KCNT2: variants seen among roughly 807,000 people sequenced by gnomAD.
The protein encoded by KCNT2 is potassium channel subfamily T member 2.
In KCNT2, 67 loss-of-function variants were observed where a neutral mutation model predicts 153.8. That is an observed-to-expected ratio of 0.44 (90% CI 0.36 to 0.53). The LOEUF (loss-of-function observed/expected upper bound fraction) is 0.53, where lower values mean the gene tolerates loss of function less well. Ranked by LOEUF, KCNT2 falls within the 20% of genes least tolerant of loss-of-function variation. The pLI is 0.00. For synonymous variants in KCNT2, 500 were observed against 458.8 expected, an observed-to-expected ratio of 1.09 and a Z score of -1.15; for missense variants, 975 against 1,354.8, an observed-to-expected ratio of 0.72 and a Z score of 4.40.
chr1:196,508,100 T>C (rs1417728893), intron 1 of KCNT2, among the ~76,000 whole-genome samples: 1 of 146,490 alleles, frequency 6.8e-6, no homozygotes, highest in Non-Finnish European at 1.5e-5. Flanking sequence ...TAATAAGTAT[T>C]AATACATAAC....
intron 1 of KCNT2, 75 bp from the exon 2 acceptor site, chr1:196,492,416 T>A: frequency 1.0e-5 from 11 of 1,068,966 alleles, no homozygotes; most frequent in Non-Finnish European, 1.3e-5. Flanking sequence ...TCAACAAATA[T>A]AAATTGATCT....
At chr1:196,366,142 T>C (rs1668018474) in intron 14 of KCNT2, among the ~76,000 whole-genome samples, 1 of 151,902 alleles carries the variant, frequency 6.6e-6, no homozygotes. Context: ...GTCTTCTTTA[T>C]TTACTTATTT....
chr1:196,505,978 T>G (rs1681104331), intron 1 of KCNT2, among the ~76,000 whole-genome samples: 1 of 152,122 alleles, frequency 6.6e-6, no homozygotes, highest in Non-Finnish European at 1.5e-5. Context: ...TTAAGGAGAT[T>G]TTGGGCTGAG....
At chr1:196,583,282 G>T (rs1662284244) in intron 1 of KCNT2, among the ~76,000 whole-genome samples, 1 of 152,110 alleles carries the variant, frequency 6.6e-6, no homozygotes, top group Admixed American at 6.6e-5. Flanking sequence ...TAATAATCCA[G>T]CCTTGGGTGG....
chr1:196,303,363 A>T (rs1158419618), intron 22 of KCNT2, among the ~76,000 whole-genome samples: 2 of 152,154 alleles, frequency 1.3e-5, no homozygotes, highest in Non-Finnish European at 2.9e-5. Flanking sequence ...TTTCCTTTGG[A>T]TAAAGAGATA....
chr1:196,563,216 G>A (rs1659650486), intron 1 of KCNT2, among the ~76,000 whole-genome samples: 1 of 151,750 alleles, frequency 6.6e-6, no homozygotes. Context: ...TGTTGTTTTG[G>A]TTATTCTCTT....
intron 15 of KCNT2, among the ~76,000 whole-genome samples, 172 bp downstream of exon 15, chr1:196,341,907 G>A (rs989050774): frequency 2.0e-5 from 3 of 152,030 alleles, no homozygotes; most frequent in East Asian, 3.8e-4. Flanking sequence ...CTGTCTTATA[G>A]AGACCATACA....
chr1:196,312,213 GA>G (rs987044518), intron 21 of KCNT2, among the ~76,000 whole-genome samples: 2 of 151,528 alleles, frequency 1.3e-5, no homozygotes, highest in African/African-American at 4.8e-5. Flanking sequence ...TATTGTCTTT[GA>G]TATGCAGAAA....
intron 13 of KCNT2, among the ~76,000 whole-genome samples, chr1:196,393,966 T>C (rs1670703789): frequency 6.6e-6 from 1 of 151,556 alleles, no homozygotes; most frequent in Non-Finnish European, 1.5e-5. Flanking sequence ...TCAGTACCAA[T>C]TGCCACTTCT....
chr1:196,351,005 G>A (rs1666632836), intron 14 of KCNT2, among the ~76,000 whole-genome samples: 1 of 152,202 alleles, frequency 6.6e-6, no homozygotes, highest in African/African-American at 2.4e-5. Flanking sequence ...TCAAAGATCA[G>A]ATAGTTGTAG....
intron 12 of KCNT2, among the ~76,000 whole-genome samples, chr1:196,414,487 T>C (rs1027822562): frequency 1.3e-5 from 2 of 151,986 alleles, no homozygotes; most frequent in South Asian, 2.1e-4. Context: ...CTTATCAACC[T>C]AACAAATATT....
At chr1:196,370,221 T>G (rs1668403810) in intron 14 of KCNT2, among the ~76,000 whole-genome samples, 1 of 152,008 alleles carries the variant, frequency 6.6e-6, no homozygotes, top group Admixed American at 6.6e-5. Flanking sequence ...AAATGCTAAT[T>G]TAATCAACAA....
intron 1 of KCNT2, among the ~76,000 whole-genome samples, chr1:196,554,571 C>A (rs923332653): frequency 1.3e-5 from 2 of 151,110 alleles, no homozygotes; most frequent in African/African-American, 4.8e-5. Context: ...ATTTAAAGAA[C>A]TAATACCAAT....
chr1:196,549,318 A>C (rs981330413), intron 1 of KCNT2, among the ~76,000 whole-genome samples: 1 of 151,942 alleles, frequency 6.6e-6, no homozygotes, highest in Admixed American at 6.6e-5. Context: ...GGGAAACTTC[A>C]TATGGGAAAA....
At chr1:196,602,887 C>T (rs1234566663) in intron 1 of KCNT2, among the ~76,000 whole-genome samples, 2 of 148,792 alleles carry the variant, frequency 1.3e-5, no homozygotes, top group Non-Finnish European at 3.0e-5. Flanking sequence ...CCCAGGTTCA[C>T]GCCATTCTCC....
At chr1:196,361,601 G>A (rs1667628961) in intron 14 of KCNT2, among the ~76,000 whole-genome samples, 1 of 151,992 alleles carries the variant, frequency 6.6e-6, no homozygotes, top group Admixed American at 6.6e-5. Context: ...TATGAGACCA[G>A]AATGAGTCAT....
chr1:196,571,173 T>C (rs1270895602), intron 1 of KCNT2, among the ~76,000 whole-genome samples: 1 of 152,120 alleles, frequency 6.6e-6, no homozygotes, highest in African/African-American at 2.4e-5. Flanking sequence ...GTTTTAAGAA[T>C]AGATATTTTT....
chr1:196,548,318 A>G (rs1657390398), intron 1 of KCNT2, among the ~76,000 whole-genome samples: 1 of 152,008 alleles, frequency 6.6e-6, no homozygotes, highest in Non-Finnish European at 1.5e-5. Flanking sequence ...CAAGAAAAAA[A>G]CAAACAACCC....
rs529574406 is a variant in KCNT2 at position 196,423,363 on chromosome 1, T to A, written c.1122-250A>T. Among the ~76,000 whole-genome samples the A allele has an allele frequency of 5.9e-5, 9 of 151,986 alleles. 1 individual carries two copies. The South Asian group carries it at 1.9e-3, about 31-fold the overall frequency. On this transcript the variant is annotated intron_variant, in intron 11 of 27. Transcript: ENST00000294725. ...ATGACAAAAGTTAATAAAAGCCAAA[T>A]GTTATTTCTTTGTATGATTAAATAT... is the stretch of plus-strand genomic sequence containing the variant.
Sources: gnomAD v4.1 joint callset for allele counts (sites outside exome capture counted in the v4.1 genomes callset) on GRCh38, gnomAD v4.1.1 for gene constraint, MANE v1.5 for transcripts, NCBI Gene and HGNC (gene_info 2026-07-23, HGNC 2026-07-21) for gene names.